BAZ2B: variants seen among roughly 807,000 people sequenced by gnomAD.
BAZ2B encodes the protein bromodomain adjacent to zinc finger domain protein 2B.
A neutral mutation model predicts 246.0 loss-of-function variants in BAZ2B; 91 were observed. The ratio of observed to expected loss-of-function variants is 0.37; its 90% CI spans 0.31 to 0.44. The LOEUF (loss-of-function observed/expected upper bound fraction) is 0.44, where lower values mean the gene tolerates loss of function less well. BAZ2B is among the 20% of genes least tolerant of loss of function. BAZ2B has a pLI of 1.00. For missense variants in BAZ2B, 2,332 were observed against 2,533.7 expected (o/e 0.92, Z 1.71); for synonymous variants, 855 against 860.0 (o/e 0.99, Z 0.10).
chr2:159,583,594 T>C (rs1578629245), intron 1 of BAZ2B, among the ~76,000 whole-genome samples: 1 of 152,164 alleles, frequency 6.6e-6, no homozygotes, highest in Non-Finnish European at 1.5e-5. Flanking sequence ...CATAAAAACG[T>C]ATGTAGTGCC....
intron 1 of BAZ2B, among the ~76,000 whole-genome samples, chr2:159,614,681 C>A: frequency 6.6e-6 from 1 of 152,036 alleles, no homozygotes; most frequent in African/African-American, 2.4e-5. Context: ...AAGTTTTTTA[C>A]CATTTTTTGC....
At chr2:159,570,773 A>G (rs1445538446) in intron 1 of BAZ2B, among the ~76,000 whole-genome samples, 1 of 152,180 alleles carries the variant, frequency 6.6e-6, no homozygotes, top group Admixed American at 6.5e-5. Context: ...TGCAGGTTGG[A>G]TAAGTGTGGT....
At chr2:159,511,186 C>A (rs2082881769) in intron 2 of BAZ2B, among the ~76,000 whole-genome samples, 1 of 151,976 alleles carries the variant, frequency 6.6e-6, no homozygotes, top group South Asian at 2.1e-4. Flanking sequence ...TCAGAATACT[C>A]ATTCTCTGGA....
chr2:159,423,028 A>C (rs538475381), intron 13 of BAZ2B, among the ~76,000 whole-genome samples: 7 of 152,224 alleles, frequency 4.6e-5, no homozygotes, highest in African/African-American at 1.7e-4. Flanking sequence ...CAGAATGGCT[A>C]TTGTTGGCCG....
chr2:159,685,454 GTGCCAAGATCT>G, the BAZ2B span, among the ~76,000 whole-genome samples: 2 of 152,052 alleles, frequency 1.3e-5, no homozygotes, highest in Admixed American at 6.6e-5. Flanking sequence ...AAACTACCTA[GTGCCAAGATCT>G]TGGTTTCTAA....
chr2:159,337,917 G>A, intron 31 of BAZ2B, 145 bp from the exon 32 acceptor site: 2 of 729,844 alleles, frequency 2.7e-6, no homozygotes, highest in East Asian at 2.9e-5. Context: ...CCTAAAACTA[G>A]GTGGAAATAA....
chr2:159,652,656 G>A, the BAZ2B span, among the ~76,000 whole-genome samples: 4 of 151,962 alleles, frequency 2.6e-5, no homozygotes. Flanking sequence ...ATTGCCCAAA[G>A]GCTTCATGCA....
In BAZ2B at chr2:159,478,507, T is replaced by G; in HGVS notation, c.145+68A>C. ...GTCATGAGAATATTTTATTCAGTGC[T>G]CAATAAAATATTATGCAAATTATTA... On this transcript the variant is annotated intron_variant, in intron 3 of 36. Coordinates refer to ENST00000392783, the MANE Select transcript of BAZ2B (RefSeq NM_013450.4). 4.1e-6 allele frequency: 6 copies of G among 1,474,486 alleles called. No homozygotes were observed. In the South Asian group the frequency reaches 4.2e-5, roughly 10 times the overall value. 91.3% of individuals were successfully genotyped at this position (1,474,486 alleles called of 1,614,324 possible). A position where few individuals can be genotyped will look rare whatever the true frequency, so the allele number is the denominator to read the frequency against.
In BAZ2B at chr2:159,320,183, C is replaced by T; in HGVS notation, c.*82G>A. On this transcript the variant is annotated 3_prime_UTR_variant, in exon 37 of 37. Transcript: ENST00000392783. The stretch of plus-strand genomic sequence containing the variant: ...AGAAAGTCATTATGTATGTGCCTTG[C>T]ACGTTTATGTAAATACAGTTCACAT... 3 of 1,222,212 alleles carry T rather than the reference C, an allele frequency of 2.5e-6. No individual in the cohort carries two copies. The highest frequency in any genetic ancestry group is 3.2e-6 in the Non-Finnish European group (3 of 926,594). The allele number at this position is 1,222,212 out of a possible 1,614,324, so 75.7% of individuals were successfully genotyped here.
At chr2:159,497,507 CAG>C (rs909504132) in intron 2 of BAZ2B, among the ~76,000 whole-genome samples, 6 of 152,118 alleles carry the variant, frequency 3.9e-5, no homozygotes, top group African/African-American at 1.4e-4. Context: ...CTGTCTGAAA[CAG>C]ATATAACCCA....
chr2:159,651,329 C>T, the BAZ2B span, among the ~76,000 whole-genome samples: 1 of 152,120 alleles, frequency 6.6e-6, no homozygotes, highest in African/African-American at 2.4e-5. Context: ...AAGTTTCTCT[C>T]TTTTTCAAGG....
At chr2:159,680,233 T>A in the BAZ2B span, among the ~76,000 whole-genome samples, 1 of 152,200 alleles carries the variant, frequency 6.6e-6, no homozygotes, top group Non-Finnish European at 1.5e-5. Context: ...GAAAAGAAGA[T>A]GAAGATTACA....
chr2:159,419,376 T>C (rs1196170263), intron 13 of BAZ2B, among the ~76,000 whole-genome samples: 1 of 152,020 alleles, frequency 6.6e-6, no homozygotes, highest in Non-Finnish European at 1.5e-5. Flanking sequence ...GAGAAAAAAA[T>C]CAAAATTTTG....
chr2:159,330,717 G>T (rs1455973052), intron 34 of BAZ2B, among the ~76,000 whole-genome samples: 1 of 151,922 alleles, frequency 6.6e-6, no homozygotes, highest in African/African-American at 2.4e-5. Flanking sequence ...AAAAAGCCAG[G>T]CATAGTGGCA....
In BAZ2B at chr2:159,511,966, T is replaced by C. The variant is rs35940609; in HGVS notation, c.-2-33245A>G. On this transcript the variant is annotated intron_variant, in intron 2 of 36. Coordinates refer to ENST00000392783, the MANE Select transcript of BAZ2B (RefSeq NM_013450.4). ...GAAAGGTATAGGAAGAATGAATACATCTTTTTTGTTCCTTTGAAAAAATAG... is the reference window on the plus strand; with the variant it reads ...GAAAGGTATAGGAAGAATGAATACACCTTTTTTGTTCCTTTGAAAAAATAG... 0.016 allele frequency among the ~76,000 whole-genome samples: 2,434 copies of C among 152,244 alleles called. 128 individuals carry two copies. The East Asian group carries it at 0.22, about 14-fold the overall frequency.
rs1359182656 is a variant in BAZ2B at position 159,382,617 on chromosome 2, T to C, written c.3947A>G (p.Glu1316Gly). The change falls in exon 25 of 37, where the codon GAG becomes GGG. Residue 1316 changes from glutamate to glycine, a missense_variant. Physicochemically the swap from Glu to Gly is moderately conservative, Grantham distance 98. Coordinates refer to ENST00000392783, the MANE Select transcript of BAZ2B (RefSeq NM_013450.4). ...DSDDQGDEDD[E>G]DEEDKEDKKG... Reference sequence around the variant, plus strand: ...TTTGTCTTCTTTATCTTCTTCATCCTCATCATCTTCATCCCCTTGGTCATC... The same window carrying C: ...TTTGTCTTCTTTATCTTCTTCATCCCCATCATCTTCATCCCCTTGGTCATC... 6.4e-7 allele frequency: 1 copy of C among 1,565,270 alleles called. No homozygotes were observed. The highest frequency in any genetic ancestry group is 1.4e-5 in the African/African-American group (1 of 73,750).
intron 1 of BAZ2B, among the ~76,000 whole-genome samples, chr2:159,574,120 G>GACAC (rs752237787): frequency 7.6e-6 from 1 of 132,142 alleles, no homozygotes; most frequent in African/African-American, 3.1e-5. Context: ...GAGACTGACA[G>GACAC]ACACACACAC....
intron 1 of BAZ2B, among the ~76,000 whole-genome samples, chr2:159,562,246 A>C (rs556686667): frequency 6.6e-6 from 1 of 152,298 alleles, no homozygotes; most frequent in Admixed American, 6.5e-5. Flanking sequence ...TGAATCACAA[A>C]ATTTTCAGAC....
At position 159,385,369 on chromosome 2, in the gene BAZ2B, C is replaced by T. The variant is rs889369795; in HGVS notation, c.3472G>A (p.Ala1158Thr). Residue 1158 changes from alanine to threonine, a missense_variant and splice_region_variant, in exon 23 of 37, where the codon GCT becomes ACT. Around this residue, in one of 9 missense-constraint regions of BAZ2B, gnomAD observed 328 missense variants for 410.4 expected, o/e 0.80. Coordinates refer to ENST00000392783, the MANE Select transcript of BAZ2B (RefSeq NM_013450.4). ...AAATGTTCTCCAAGAGCTGTTTTAG[C>T]CTATAAAAGTTTGGCATTTTTATCA... ...CDPGLITGYK[A>T]KTALGEHLLN... is the part of the protein sequence containing the mutation. 16 of 1,610,656 alleles carry T rather than the reference C, an allele frequency of 9.9e-6. No individual in the cohort carries two copies. The highest frequency in any genetic ancestry group is 1.3e-5 in the Non-Finnish European group (15 of 1,178,676).
Sources: allele counts gnomAD v4.1 joint callset (sites outside exome capture counted in the v4.1 genomes callset), GRCh38; gene constraint gnomAD v4.1.1; regional missense constraint gnomAD v4.1.1; transcripts MANE v1.5; gene names NCBI Gene and HGNC (gene_info 2026-07-23, HGNC 2026-07-21).